Variants in ZBTB16 observed in about 807,000 individuals in gnomAD.
The protein encoded by ZBTB16 is zinc finger and BTB domain-containing protein 16.
ZBTB16 carries 8 observed loss-of-function variants against 56.8 expected under a neutral mutation model. That is an observed-to-expected ratio of 0.14 (90% CI 0.08 to 0.25). The LOEUF (loss-of-function observed/expected upper bound fraction) is 0.25, where lower values mean the gene tolerates loss of function less well. Ranked by LOEUF, ZBTB16 falls within the 10% of genes least tolerant of loss-of-function variation. The pLI, the probability that ZBTB16 is intolerant of heterozygous loss-of-function variation, is 1.00. For missense variants in ZBTB16, 625 were observed against 903.0 expected, an observed-to-expected ratio of 0.69 and a Z score of 3.95; for synonymous variants, 363 against 368.5, an observed-to-expected ratio of 0.98 and a Z score of 0.17.
intron 2 of ZBTB16, among the ~76,000 whole-genome samples, chr11:114,076,107 G>A (rs1472499629): frequency 9.2e-5 from 14 of 151,782 alleles, no homozygotes; most frequent in Non-Finnish European, 1.5e-4. Flanking sequence ...CTGCACTTTC[G>A]GGGAAAGCAT....
At chr11:114,203,112 A>C (rs1255025369) in intron 4 of ZBTB16, among the ~76,000 whole-genome samples, 1 of 152,242 alleles carries the variant, frequency 6.6e-6, no homozygotes, top group Non-Finnish European at 1.5e-5. Flanking sequence ...ACCATGGACT[A>C]TAATTTGGCC....
intron 4 of ZBTB16, among the ~76,000 whole-genome samples, chr11:114,223,813 T>A (rs1944282972): frequency 6.6e-6 from 1 of 152,134 alleles, no homozygotes; most frequent in Non-Finnish European, 1.5e-5. Flanking sequence ...TCATCTAAGC[T>A]GTCATCTGAA....
intron 4 of ZBTB16, among the ~76,000 whole-genome samples, chr11:114,216,033 A>G (rs1008914867): frequency 6.6e-6 from 1 of 152,164 alleles, no homozygotes. Context: ...GGCCAAGATA[A>G]GGCTGTGGTT....
rs79597037 is a variant in ZBTB16, at chr11:114,156,192, C to T, written c.1269-145C>T. 5.6e-3 allele frequency: 4,274 copies of T among 762,962 alleles called. 140 individuals carry two copies. The African/African-American group carries it at 0.065, about 12-fold the overall frequency. The allele number at this position is 762,962 out of a possible 1,614,324, so 47.3% of individuals were successfully genotyped here. A position where few individuals can be genotyped will look rare whatever the true frequency, so the allele number is the denominator to read the frequency against. On this transcript the variant is annotated intron_variant, in intron 2 of 6. Transcript: ENST00000335953. Reference sequence around the variant, plus strand: ...GCGTGATTTACGCTGTCTGAGGATCCAGGGATGTGTTTCCATCGGTGCCCT... The same window carrying T: ...GCGTGATTTACGCTGTCTGAGGATCTAGGGATGTGTTTCCATCGGTGCCCT...
intron 2 of ZBTB16, among the ~76,000 whole-genome samples, chr11:114,132,902 A>G (rs942023606): frequency 6.6e-6 from 1 of 152,116 alleles, no homozygotes; most frequent in African/African-American, 2.4e-5. Flanking sequence ...TCTCTGAGAT[A>G]GAAGTGTATT....
At chr11:114,096,685 C>T (rs1050154177) in intron 2 of ZBTB16, among the ~76,000 whole-genome samples, 3 of 152,188 alleles carry the variant, frequency 2.0e-5, no homozygotes, top group South Asian at 2.1e-4. Context: ...ACTAAAACTG[C>T]TCACCCCCAT....
At chr11:114,234,314 G>T (rs1944517577) in intron 4 of ZBTB16, among the ~76,000 whole-genome samples, 1 of 152,188 alleles carries the variant, frequency 6.6e-6, no homozygotes, top group Admixed American at 6.5e-5. Flanking sequence ...TCAGCAGTGG[G>T]TGACTCTATA....
intron 2 of ZBTB16, among the ~76,000 whole-genome samples, chr11:114,155,139 A>T: frequency 6.6e-6 from 1 of 152,190 alleles, no homozygotes; most frequent in East Asian, 1.9e-4. Context: ...CAACATTTTG[A>T]TGGAGATAGA....
At chr11:114,186,387 TTG>T (rs967650382) in intron 3 of ZBTB16, among the ~76,000 whole-genome samples, 3 of 152,202 alleles carry the variant, frequency 2.0e-5, no homozygotes, top group African/African-American at 7.2e-5. Flanking sequence ...CAGAAATGCT[TTG>T]TGAGTCACAG....
chr11:114,209,864 T>G, intron 4 of ZBTB16: 1 of 985,426 alleles, frequency 1.0e-6, no homozygotes, highest in Non-Finnish European at 1.2e-6. Flanking sequence ...TCATGTTTGT[T>G]GAGGGGACCC....
intron 2 of ZBTB16, among the ~76,000 whole-genome samples, chr11:114,142,546 T>A (rs1280571866): frequency 6.6e-6 from 1 of 152,236 alleles, no homozygotes; most frequent in Non-Finnish European, 1.5e-5. Flanking sequence ...TTGGAATTTA[T>A]CGCTGTTGTC....
Position 114,250,212 on chromosome 11 carries a change from G to T in ZBTB16, c.1793-114G>T. 1.7e-6 allele frequency: 2 copies of T among 1,194,052 alleles called. No homozygotes were observed. The highest frequency in any genetic ancestry group is 2.4e-6 in the Non-Finnish European group (2 of 817,692). 74.0% of individuals were successfully genotyped at this position (1,194,052 alleles called of 1,614,324 possible). On this transcript the variant is annotated intron_variant, in intron 6 of 6. Coordinates refer to ENST00000335953, the MANE Select transcript of ZBTB16 (RefSeq NM_006006.6). This position sits in a 1 kb window ranked among gnomAD's most constrained non-coding sequence, Gnocchi z 6.0. The stretch of plus-strand genomic sequence containing the variant: ...CTTCATTGTCCCAGAAAGTTCTGTT[G>T]GAGCAAGCCCAGCTGGAGGAACCCA...
chr11:114,183,556 G>C (rs951160390), intron 3 of ZBTB16, among the ~76,000 whole-genome samples: 1 of 152,208 alleles, frequency 6.6e-6, no homozygotes, highest in African/African-American at 2.4e-5. Context: ...GCTTCTCGCC[G>C]ATTGGAGTGC....
At chr11:114,114,566 C>T (rs906791195) in intron 2 of ZBTB16, among the ~76,000 whole-genome samples, 1 of 152,062 alleles carries the variant, frequency 6.6e-6, no homozygotes, top group Non-Finnish European at 1.5e-5. Context: ...ACAGAACATA[C>T]TTTTCATTAT....
chr11:114,098,091 A>G (rs1302028848), intron 2 of ZBTB16, among the ~76,000 whole-genome samples: 1 of 152,198 alleles, frequency 6.6e-6, no homozygotes. Flanking sequence ...TCTCAACAGC[A>G]TCTTTTTCCT....
intron 2 of ZBTB16, among the ~76,000 whole-genome samples, chr11:114,123,198 A>T (rs7117793): frequency 0.081 from 12,336 of 152,110 alleles, 1,047 homozygotes; most frequent in African/African-American, 0.22. Context: ...CACATTCGAG[A>T]TCAGCGCTTC....
At chr11:114,075,281 T>C (rs1463543925) in intron 2 of ZBTB16, among the ~76,000 whole-genome samples, 3 of 152,108 alleles carry the variant, frequency 2.0e-5, no homozygotes, top group Non-Finnish European at 4.4e-5. Context: ...ACTCACTTCC[T>C]CATCTGTGAG....
rs140458785 is a variant in ZBTB16 at position 114,214,834 on chromosome 11, T to G, written c.1454-27333T>G. Among the ~76,000 whole-genome samples, 216 of 152,250 alleles carry G rather than the reference T, an allele frequency of 1.4e-3. 4 individuals are homozygous for G. The East Asian group carries it at 0.034, about 24-fold the overall frequency. On this transcript the variant is annotated intron_variant, in intron 4 of 6. Coordinates refer to ENST00000335953, the MANE Select transcript of ZBTB16 (RefSeq NM_006006.6). ...GGCCAGCCTGTGGTGGTTTGTTTGT[T>G]TGTTTGTTTTTTCTTGATTTTGAAA...
intron 3 of ZBTB16, among the ~76,000 whole-genome samples, chr11:114,182,933 TTTA>T (rs1358146963): frequency 6.6e-6 from 1 of 152,072 alleles, no homozygotes; most frequent in East Asian, 1.9e-4. Context: ...GGCGAGGAAA[TTTA>T]TCACTTTTAA....
Sources: gnomAD v4.1 joint callset for allele counts (sites outside exome capture counted in the v4.1 genomes callset) on GRCh38, gnomAD v4.1.1 for gene constraint, Gnocchi (gnomAD v3.1) non-coding constraint, MANE v1.5 for transcripts, NCBI Gene and HGNC (gene_info 2026-07-23, HGNC 2026-07-21) for gene names.